TTLL9: variants seen among roughly 807,000 people sequenced by gnomAD.
TTLL9 encodes the protein tubulin tyrosine ligase like 9, also known as probable tubulin polyglutamylase TTLL9.
In TTLL9, 47 loss-of-function variants were observed where a neutral mutation model predicts 65.6. The ratio of observed to expected loss-of-function variants is 0.72; its 90% CI spans 0.57 to 0.91. TTLL9 has a LOEUF of 0.91. Among genes scored for constraint, TTLL9 ranks in the 40% least tolerant of loss-of-function variants. The pLI is 0.00. For missense variants in TTLL9, 537 were observed against 568.8 expected, an observed-to-expected ratio of 0.94 and a Z score of 0.57; for synonymous variants, 179 against 204.8, an observed-to-expected ratio of 0.87 and a Z score of 1.07.
intron 6 of TTLL9, among the ~76,000 whole-genome samples, chr20:31,917,059 A>G (rs1229278610): frequency 1.3e-5 from 2 of 152,232 alleles, no homozygotes; most frequent in African/African-American, 4.8e-5. Context: ...AGACCAAAGC[A>G]TATGAACCTG....
chr20:31,906,634 G>A lies in TTLL9; in HGVS notation c.207-1957G>A, dbSNP rs117925826. Among the ~76,000 whole-genome samples, 13 of 152,132 alleles carry A rather than the reference G, an allele frequency of 8.5e-5. No individual in the cohort carries two copies. In the East Asian group the frequency reaches 2.5e-3, roughly 29 times the overall value. Reference sequence around the variant, plus strand: ...TAGAGAAAAGGGGTGGGGAGAAAGGGAGACAAACCAAACACCTTTTTTTTC... The same window carrying A: ...TAGAGAAAAGGGGTGGGGAGAAAGGAAGACAAACCAAACACCTTTTTTTTC... On this transcript the variant is annotated intron_variant, in intron 4 of 14. Transcript: ENST00000535842.
chr20:31,911,289 C>T (rs1410011952), intron 6 of TTLL9, among the ~76,000 whole-genome samples: 1 of 152,222 alleles, frequency 6.6e-6, no homozygotes, highest in East Asian at 1.9e-4. Flanking sequence ...AGCCACATGC[C>T]ACCGTAGCCT....
chr20:31,930,477 CT>C (rs2063990808), intron 10 of TTLL9, among the ~76,000 whole-genome samples: 1 of 152,224 alleles, frequency 6.6e-6, no homozygotes, highest in South Asian at 2.1e-4. Context: ...AGATGGGGTC[CT>C]ACCAGCTTTA....
chr20:31,890,150 C>CTTTCTTTCTTTCTTTCT (rs1300422017), intron 3 of TTLL9, among the ~76,000 whole-genome samples: 44 of 16,694 alleles, frequency 2.6e-3, no homozygotes, highest in Non-Finnish European at 3.8e-3. Flanking sequence ...TCCTTCCTTC[C>CTTTCTTTCTTTCTTTCT]TTCCTTCTTT....
chr20:31,912,635 G>C (rs1024643415), intron 6 of TTLL9, among the ~76,000 whole-genome samples: 1 of 141,642 alleles, frequency 7.1e-6, no homozygotes, highest in Non-Finnish European at 1.6e-5. Context: ...GTGTGTGTGT[G>C]TGTGTGTGTA....
chr20:31,934,481 T>TGG, intron 11 of TTLL9: 1 of 683,246 alleles, frequency 1.5e-6, no homozygotes, highest in Non-Finnish European at 2.7e-6. Context: ...CAGGGACTTC[T>TGG]GGGGTCCTGC....
intron 14 of TTLL9, chr20:31,940,755 C>T (rs928954859): frequency 2.6e-5 from 4 of 152,124 alleles, no homozygotes; most frequent in Admixed American, 1.3e-4. Flanking sequence ...TGTGGCCACT[C>T]GTCTTCCAAC....
chr20:31,909,937 C>T lies in TTLL9; in HGVS notation c.504+15C>T, dbSNP rs1334968228. 3 of 1,607,348 alleles carry T rather than the reference C, an allele frequency of 1.9e-6. No homozygotes were observed. The highest frequency in any genetic ancestry group is 4.5e-5 in the East Asian group (2 of 44,712). On this transcript the variant is annotated intron_variant, in intron 6 of 14. Coordinates refer to ENST00000535842, the MANE Select transcript of TTLL9 (RefSeq NM_001008409.5). ...TCATGAAGCCTGTGAGTGCCCAGTG[C>T]CAGGGGCTGGGTGGGAGGGAATGAG...
Position 31,896,179 on chromosome 20 carries a change from T to C in TTLL9, c.114-2294T>C, listed in dbSNP as rs1039775814. 2.6e-5 allele frequency among the ~76,000 whole-genome samples: 4 copies of C among 152,170 alleles called. No homozygotes were observed. The East Asian group carries it at 7.8e-4, about 30-fold the overall frequency. On this transcript the variant is annotated intron_variant, in intron 3 of 14. Transcript: ENST00000535842. ...TTTTAGTAGAGACGCGGTTTCACCA[T>C]GTTGGTCAGGCTGGTCTCCAGCTCC...
intron 3 of TTLL9, among the ~76,000 whole-genome samples, chr20:31,895,697 C>T (rs1481070347): frequency 4.0e-5 from 6 of 151,466 alleles, no homozygotes; most frequent in Non-Finnish European, 5.9e-5. Context: ...CCACCATGCC[C>T]GGCTAGAAGC....
chr20:31,934,316 C>G (rs73903689), intron 11 of TTLL9: 7,768 of 515,354 alleles, frequency 0.015, 460 homozygotes, highest in African/African-American at 0.13. Flanking sequence ...TCTCTTCCCT[C>G]CCCAGCTCCA....
chr20:31,900,316 G>C (rs2063459493), intron 4 of TTLL9, among the ~76,000 whole-genome samples: 2 of 152,182 alleles, frequency 1.3e-5, no homozygotes, highest in Non-Finnish European at 2.9e-5. Context: ...TTTTACTAAT[G>C]AGAAAACTGG....
chr20:31,917,817 A>C (rs1014557754), intron 6 of TTLL9, among the ~76,000 whole-genome samples: 20 of 152,190 alleles, frequency 1.3e-4, no homozygotes, highest in African/African-American at 4.8e-4. Flanking sequence ...TTTTAGAGAA[A>C]ACAAACCTGA....
At chr20:31,926,151 A>G in intron 10 of TTLL9, 60 bp downstream of exon 10, 3 of 1,195,418 alleles carry the variant, frequency 2.5e-6, no homozygotes, top group Non-Finnish European at 3.7e-6. Flanking sequence ...GGGTGATTCC[A>G]TGGGAGAGGC....
intron 2 of TTLL9, chr20:31,883,905 C>A (rs187700266): frequency 2.4e-6 from 1 of 409,744 alleles, no homozygotes; most frequent in Non-Finnish European, 4.5e-6. Flanking sequence ...GCTCTTACCA[C>A]TTTTAGTCAA....
At chr20:31,889,483 C>T (rs1025684538) in intron 3 of TTLL9, among the ~76,000 whole-genome samples, 6 of 149,464 alleles carry the variant, frequency 4.0e-5, no homozygotes, top group East Asian at 2.0e-4. Context: ...AGTGCAGTGG[C>T]GTGATCTCAG....
chr20:31,894,241 C>G (rs959455040), intron 3 of TTLL9, among the ~76,000 whole-genome samples: 9 of 151,470 alleles, frequency 5.9e-5, no homozygotes, highest in African/African-American at 2.2e-4. Context: ...GTAGCTGGGA[C>G]TACAGGCACG....
chr20:31,908,673 C>T lies in TTLL9; in HGVS notation c.289C>T (p.Arg97Trp), dbSNP rs760256556. ...CCACACCTACATGGATGAACATGTG[C>T]GGATCAGTCACTTCCGGAACCACTA... ...FDHTYMDEHV[R>W]ISHFRNHYEL... is the part of the protein sequence containing the mutation. The change falls in exon 5 of 15, where the codon CGG becomes TGG. Residue 97 changes from arginine (R) to tryptophan (W), a missense_variant. Around this residue, in one of 3 missense-constraint regions of TTLL9, gnomAD observed 320 missense variants for 311.0 expected, o/e 1.03. Transcript: ENST00000535842. The T allele has an allele frequency of 4.2e-5, 67 of 1,613,940 alleles. No individual in the cohort carries two copies. Among genetic ancestry groups the T allele is most frequent in the Non-Finnish European group, 4.9e-5 (58 of 1,179,986 alleles).
At chr20:31,880,863 T>TTC (rs2063109028) in intron 2 of TTLL9, among the ~76,000 whole-genome samples, 1 of 148,674 alleles carries the variant, frequency 6.7e-6, no homozygotes, top group Non-Finnish European at 1.5e-5. Context: ...TTTTTTTTTT[T>TTC]TTTTTTTTTG....
Sources: allele counts gnomAD v4.1 joint callset (sites outside exome capture counted in the v4.1 genomes callset), GRCh38; gene constraint gnomAD v4.1.1; regional missense constraint gnomAD v4.1.1; transcripts MANE v1.5; gene names NCBI Gene and HGNC (gene_info 2026-07-23, HGNC 2026-07-21).